PRPH2: variants seen among roughly 807,000 people sequenced by gnomAD.
PRPH2 encodes peripherin-2.
Under a neutral mutation model 31.3 loss-of-function variants are expected in PRPH2, and 17 were observed. That is an observed-to-expected ratio of 0.54 (90% CI 0.37 to 0.81). The LOEUF is 0.81. PRPH2 is among the 40% of genes least tolerant of loss of function. The pLI is 0.00. For synonymous variants in PRPH2, 165 were observed against 184.4 expected (o/e 0.89, Z 0.85); for missense variants, 430 against 439.7 (o/e 0.98, Z 0.20).
At chr6:42,704,725 T>C (rs1471763268) in intron 1 of PRPH2, 114 bp from the exon 2 acceptor site, 1 of 1,509,664 alleles carries the variant, frequency 6.6e-7, no homozygotes. Context: ...GCACACTTGG[T>C]ATATATTTGC....
chr6:42,704,859 G>A (rs1019569089), intron 1 of PRPH2, among the ~76,000 whole-genome samples: 2 of 152,244 alleles, frequency 1.3e-5, no homozygotes, highest in Non-Finnish European at 1.5e-5. Context: ...AGGGAGTATA[G>A]AAATTCACCC....
intron 1 of PRPH2, among the ~76,000 whole-genome samples, chr6:42,709,222 G>C (rs958295299): frequency 4.6e-5 from 7 of 151,518 alleles, no homozygotes; most frequent in African/African-American, 1.2e-4. Flanking sequence ...CCTAGCTACT[G>C]GGGAGGCTGA....
intron 1 of PRPH2, among the ~76,000 whole-genome samples, chr6:42,710,626 C>T (rs185644711): frequency 4.5e-4 from 68 of 152,160 alleles, no homozygotes; most frequent in African/African-American, 1.4e-3. Flanking sequence ...TCACTCTGCG[C>T]GGAAGGGGCC....
intron 1 of PRPH2, among the ~76,000 whole-genome samples, chr6:42,711,166 C>T (rs1325715911): frequency 6.6e-6 from 1 of 152,150 alleles, no homozygotes; most frequent in East Asian, 1.9e-4. Context: ...GCGCTCTGCC[C>T]TCATGAGTAG....
In PRPH2 at chr6:42,702,611, C is replaced by A. The variant is rs144776772; in HGVS notation, c.828+1754G>T. On this transcript the variant is annotated intron_variant, in intron 2 of 2. Coordinates refer to ENST00000230381, the MANE Select transcript of PRPH2 (RefSeq NM_000322.5). ...ACGTGTGGTGGCTCACGCCTGTAAT[C>A]CCAGCACTTTGGGAGGCCGAGGCCG... Among the ~76,000 whole-genome samples, 48 of 152,088 alleles carry A rather than the reference C, an allele frequency of 3.2e-4. No individual in the cohort carries two copies. In the East Asian group the frequency reaches 8.2e-3, roughly 26 times the overall value.
At chr6:42,710,934 A>G (rs891663985) in intron 1 of PRPH2, among the ~76,000 whole-genome samples, 1 of 152,222 alleles carries the variant, frequency 6.6e-6, no homozygotes, top group Non-Finnish European at 1.5e-5. Context: ...TTTCTCATCT[A>G]AGAAATGACA....
At position 42,722,595 on chromosome 6, in the gene PRPH2, G is replaced by A; in HGVS notation, c.-261C>T. The A allele has an allele frequency of 7.3e-7, 1 of 1,376,728 alleles. No homozygotes were observed. Among genetic ancestry groups the A allele is most frequent in the Non-Finnish European group, 9.4e-7 (1 of 1,062,478 alleles). 85.3% of individuals were successfully genotyped at this position (1,376,728 alleles called of 1,614,324 possible). On this transcript the variant is annotated 5_prime_UTR_variant, in exon 1 of 3. Coordinates refer to ENST00000230381, the MANE Select transcript of PRPH2 (RefSeq NM_000322.5). This position sits in a 1 kb window ranked among gnomAD's most constrained non-coding sequence, Gnocchi z 4.4. ...CGTTGTTTCTTCAGCGCCCTTCCCA[G>A]CCAAGAAGGGGCAGCCTGAACGCTG...
chr6:42,698,632 T>TG, intron 2 of PRPH2, 125 bp from the exon 3 acceptor site: 1 of 1,378,518 alleles, frequency 7.3e-7, no homozygotes, highest in Admixed American at 2.0e-5. Flanking sequence ...CTGTGGAGTG[T>TG]GGGTTGGTGA....
At chr6:42,719,210 C>A (rs1266543391) in intron 1 of PRPH2, among the ~76,000 whole-genome samples, 1 of 150,960 alleles carries the variant, frequency 6.6e-6, no homozygotes, top group Admixed American at 6.6e-5. Flanking sequence ...ACACTGTCTC[C>A]CGGGCTGGAG....
intron 1 of PRPH2, among the ~76,000 whole-genome samples, chr6:42,707,592 G>A (rs1289635748): frequency 2.0e-5 from 3 of 152,082 alleles, no homozygotes; most frequent in African/African-American, 7.2e-5. Flanking sequence ...CCTAATCTTT[G>A]AAAAACAGTA....
chr6:42,718,082 T>C (rs1582777086), intron 1 of PRPH2, among the ~76,000 whole-genome samples: 1 of 151,948 alleles, frequency 6.6e-6, no homozygotes, highest in Non-Finnish European at 1.5e-5. Context: ...TCAAGGCAGG[T>C]GGATCATCTG....
chr6:42,712,896 C>T (rs745712414), intron 1 of PRPH2, among the ~76,000 whole-genome samples: 1 of 151,784 alleles, frequency 6.6e-6, no homozygotes, highest in African/African-American at 2.4e-5. Flanking sequence ...TAATAGAAGT[C>T]GGAAATGCAA....
rs769850707 is a variant in PRPH2 at position 42,697,945 on chromosome 6, G to A, written c.*350C>T. 1.2e-4 allele frequency: 36 copies of A among 292,050 alleles called. No homozygotes were observed. Among genetic ancestry groups the A allele is most frequent in the Middle Eastern group, 1.1e-3 (1 of 896 alleles). The allele number at this position is 292,050 out of a possible 1,614,324, so 18.1% of individuals were successfully genotyped here. A position where few individuals can be genotyped will look rare whatever the true frequency, so the allele number is the denominator to read the frequency against. The stretch of plus-strand genomic sequence containing the variant: ...TAAAAGGGGAGCAGCCCTCAGATAC[G>A]GCCAGTGGCCATAGGGTGGGACTAA... On this transcript the variant is annotated 3_prime_UTR_variant, in exon 3 of 3. Coordinates refer to ENST00000230381, the MANE Select transcript of PRPH2 (RefSeq NM_000322.5).
At chr6:42,720,611 C>T (rs147426814) in intron 1 of PRPH2, among the ~76,000 whole-genome samples, 231 of 152,246 alleles carry the variant, frequency 1.5e-3, no homozygotes, top group African/African-American at 5.4e-3. Context: ...GCTATTTGGG[C>T]GTCATTAATG....
At chr6:42,704,076 G>C (rs1314419439) in intron 2 of PRPH2, among the ~76,000 whole-genome samples, 1 of 135,864 alleles carries the variant, frequency 7.4e-6, no homozygotes, top group Non-Finnish European at 1.6e-5. Context: ...CTCCAGCCTG[G>C]GCAACACAGA....
At chr6:42,714,522 T>C (rs971846483) in intron 1 of PRPH2, among the ~76,000 whole-genome samples, 8 of 152,180 alleles carry the variant, frequency 5.3e-5, no homozygotes, top group Non-Finnish European at 8.8e-5. Context: ...AAAGCTGTTT[T>C]TTCTTTTTGT....
chr6:42,704,660 A>G, intron 1 of PRPH2, 49 bp from the exon 2 acceptor site: 4 of 1,613,916 alleles, frequency 2.5e-6, no homozygotes, highest in Non-Finnish European at 8.5e-7. Flanking sequence ...GCTTCTCAAC[A>G]GGGGCCACTT....
At chr6:42,703,279 A>G (rs1208846232) in intron 2 of PRPH2, among the ~76,000 whole-genome samples, 1 of 152,204 alleles carries the variant, frequency 6.6e-6, no homozygotes, top group African/African-American at 2.4e-5. Flanking sequence ...AATTCAGCAC[A>G]CTCACCGAGG....
At chr6:42,720,139 T>C (rs572056376) in intron 1 of PRPH2, among the ~76,000 whole-genome samples, 2 of 152,296 alleles carry the variant, frequency 1.3e-5, no homozygotes, top group Non-Finnish European at 2.9e-5. Context: ...TTCAGCTAAA[T>C]ATTTGCCTGA....
Sources: gnomAD v4.1 joint callset for allele counts (sites outside exome capture counted in the v4.1 genomes callset) on GRCh38, gnomAD v4.1.1 for gene constraint, Gnocchi (gnomAD v3.1) non-coding constraint, MANE v1.5 for transcripts, NCBI Gene and HGNC (gene_info 2026-07-23, HGNC 2026-07-21) for gene names.